USP54: variants seen among roughly 807,000 people sequenced by gnomAD.
USP54 encodes ubiquitin specific peptidase 54, also known as ubiquitin carboxyl-terminal hydrolase 54.
Under a neutral mutation model 170.5 loss-of-function variants are expected in USP54, and 87 were observed. The observed-to-expected ratio is 0.51, with a 90% CI of 0.43 to 0.61. The LOEUF (loss-of-function observed/expected upper bound fraction) is 0.61. USP54 is among the 20% of genes least tolerant of loss of function. The probability of loss-of-function intolerance (pLI) is 0.00; values close to 1 mark genes in which losing one functional copy is unlikely to be tolerated. For missense variants in USP54, 1,786 were observed against 2,047.8 expected, an observed-to-expected ratio of 0.87 and a Z score of 2.47; for synonymous variants, 655 against 742.8, an observed-to-expected ratio of 0.88 and a Z score of 1.92.
Position 73,522,055 on chromosome 10 carries a change from C to T in USP54, c.2363-1028G>A, listed in dbSNP as rs114292742. Reference sequence around the variant, plus strand: ...GAGTCACTTCTCCCATAATGTCCCTCATCCTCCACTTACCTCCAGCAGGAC... The same window carrying T: ...GAGTCACTTCTCCCATAATGTCCCTTATCCTCCACTTACCTCCAGCAGGAC... On this transcript the variant is annotated intron_variant, in intron 17 of 23. Coordinates refer to ENST00000687698, the MANE Select transcript of USP54 (RefSeq NM_001391956.1). Among the ~76,000 whole-genome samples, 481 of 152,282 alleles carry T rather than the reference C, an allele frequency of 3.2e-3. 1 individual carries two copies. Among genetic ancestry groups the T allele is most frequent in the African/African-American group, 0.011 (463 of 41,546 alleles).
chr10:73,600,769 C>T (rs1175458492), intron 1 of USP54, among the ~76,000 whole-genome samples: 1 of 152,126 alleles, frequency 6.6e-6, no homozygotes, highest in East Asian at 1.9e-4. Context: ...CAAAAATTAG[C>T]TGGGTGTGGT....
chr10:73,529,533 G>A (rs1162971208), intron 15 of USP54, 147 bp downstream of exon 15: 1 of 848,016 alleles, frequency 1.2e-6, no homozygotes, highest in Non-Finnish European at 2.0e-6. Context: ...CCAGCAGAGG[G>A]TGCTGTTGTT....
chr10:73,597,763 T>G (rs2078847774), intron 1 of USP54, among the ~76,000 whole-genome samples: 2 of 152,168 alleles, frequency 1.3e-5, no homozygotes, highest in South Asian at 4.1e-4. Flanking sequence ...AATGAACCCA[T>G]TCAGTGGTTA....
chr10:73,609,966 C>T (rs369013070), intron 1 of USP54, among the ~76,000 whole-genome samples: 12 of 150,604 alleles, frequency 8.0e-5, no homozygotes, highest in African/African-American at 2.2e-4. Context: ...GCCAAAATCA[C>T]GCCACTGCAC....
chr10:73,580,512 T>C (rs1017389043), intron 1 of USP54, among the ~76,000 whole-genome samples: 1 of 152,132 alleles, frequency 6.6e-6, no homozygotes, highest in African/African-American at 2.4e-5. Context: ...AACTTTTCTA[T>C]GTTTAGATAT....
intron 4 of USP54, among the ~76,000 whole-genome samples, chr10:73,551,205 G>A (rs2069252154): frequency 6.6e-6 from 1 of 152,170 alleles, no homozygotes; most frequent in African/African-American, 2.4e-5. Context: ...AGATTACTGT[G>A]TAACCTGCTA....
chr10:73,574,996 G>A (rs1303159372), intron 3 of USP54, among the ~76,000 whole-genome samples: 1 of 152,192 alleles, frequency 6.6e-6, no homozygotes, highest in Non-Finnish European at 1.5e-5. Flanking sequence ...GGAGGCCAAG[G>A]CAGGTGGATC....
At chr10:73,602,290 T>C (rs557534241) in intron 1 of USP54, among the ~76,000 whole-genome samples, 2 of 152,266 alleles carry the variant, frequency 1.3e-5, no homozygotes, top group South Asian at 4.1e-4. Flanking sequence ...CGGTGGCTCA[T>C]GCCTGTAATC....
At position 73,530,164 on chromosome 10, in the gene USP54, T is replaced by A. The variant is rs373078112; in HGVS notation, c.1807A>T (p.Ser603Cys). 57 of 1,613,056 alleles carry A rather than the reference T, an allele frequency of 3.5e-5. No individual in the cohort carries two copies. Among genetic ancestry groups the A allele is most frequent in the Non-Finnish European group, 9.3e-6 (11 of 1,179,694 alleles). ...TCACCTGAATCCTCAGAAAAGGGGC[T>A]AAGCTGGGTATAGCCACAGTGCTTC... ...KRKHCGYTQLSPFSEDSAKEF... is the reference protein window; with the variant it reads ...KRKHCGYTQLCPFSEDSAKEF... Residue 603 changes from serine (S) to cysteine (C), a missense_variant, in exon 14 of 24, where the codon AGC becomes TGC. Ser to Cys is a moderately radical substitution (Grantham distance 112, BLOSUM62 -1). Coordinates refer to ENST00000687698, the MANE Select transcript of USP54 (RefSeq NM_001391956.1).
At chr10:73,580,847 G>A (rs1360679552) in intron 1 of USP54, among the ~76,000 whole-genome samples, 1 of 152,146 alleles carries the variant, frequency 6.6e-6, no homozygotes, top group Non-Finnish European at 1.5e-5. Context: ...CCAAAGTGCT[G>A]GGATTACAGG....
chr10:73,504,716 C>A, intron 22 of USP54, 134 bp downstream of exon 22: 1 of 1,158,512 alleles, frequency 8.6e-7, no homozygotes, highest in South Asian at 1.5e-5. Flanking sequence ...ACTGCGTGTC[C>A]TTATTTTTGC....
intron 1 of USP54, among the ~76,000 whole-genome samples, chr10:73,623,668 A>G (rs570234870): frequency 6.6e-6 from 1 of 152,276 alleles, no homozygotes; most frequent in African/African-American, 2.4e-5. Context: ...ACAAACAAAC[A>G]AATTCTTTGT....
intron 20 of USP54, chr10:73,507,176 T>C (rs2059282578): frequency 2.6e-5 from 4 of 151,656 alleles, no homozygotes; most frequent in Admixed American, 2.6e-4. Context: ...CATAGGATTG[T>C]ATAAACAGAA....
At chr10:73,622,657 A>C (rs1026141305) in intron 1 of USP54, among the ~76,000 whole-genome samples, 1 of 152,066 alleles carries the variant, frequency 6.6e-6, no homozygotes, top group African/African-American at 2.4e-5. Context: ...AAGGAGTACT[A>C]AAAAAGACTA....
At chr10:73,510,199 G>A (rs1349138223) in intron 20 of USP54, among the ~76,000 whole-genome samples, 1 of 152,018 alleles carries the variant, frequency 6.6e-6, no homozygotes, top group Non-Finnish European at 1.5e-5. Context: ...GCCTGGCATG[G>A]TGGCACGTGC....
intron 1 of USP54, among the ~76,000 whole-genome samples, chr10:73,588,770 AG>A (rs1285382021): frequency 6.6e-6 from 1 of 152,198 alleles, no homozygotes; most frequent in East Asian, 1.9e-4. Context: ...ACATACAAAA[AG>A]ATTTGTTCTG....
chr10:73,528,710 C>T (rs1278488740), intron 15 of USP54, among the ~76,000 whole-genome samples: 1 of 152,074 alleles, frequency 6.6e-6, no homozygotes, highest in Non-Finnish European at 1.5e-5. Flanking sequence ...ATTGGGATTA[C>T]AGACGCCCAC....
At chr10:73,532,262 T>C (rs934781175) in intron 12 of USP54, among the ~76,000 whole-genome samples, 33 of 152,096 alleles carry the variant, frequency 2.2e-4, no homozygotes, top group Non-Finnish European at 3.8e-4. Flanking sequence ...AAGCTCCGCC[T>C]TCCGGGTTCA....
chr10:73,541,857 G>A, intron 7 of USP54, 119 bp from the exon 8 acceptor site: 1 of 943,478 alleles, frequency 1.1e-6, no homozygotes, highest in South Asian at 1.6e-5. Context: ...CTATACCAAA[G>A]CCCCTGACCA....
Sources: gnomAD v4.1 joint callset for allele counts (sites outside exome capture counted in the v4.1 genomes callset) on GRCh38, gnomAD v4.1.1 for gene constraint, MANE v1.5 for transcripts, NCBI Gene and HGNC (gene_info 2026-07-23, HGNC 2026-07-21) for gene names.